TRUB1: variants seen among roughly 807,000 people sequenced by gnomAD.
TRUB1 encodes TruB pseudouridine synthase family member 1, also known as pseudouridylate synthase TRUB1.
A neutral mutation model predicts 33.9 loss-of-function variants in TRUB1; 23 were observed. The ratio of observed to expected loss-of-function variants is 0.68; its 90% CI spans 0.49 to 0.96. TRUB1 has a LOEUF of 0.96. Among genes scored for constraint, TRUB1 ranks in the 40% least tolerant of loss-of-function variants. The pLI is 0.00. For missense variants in TRUB1, 378 were observed against 422.2 expected, an observed-to-expected ratio of 0.90 and a Z score of 0.92; for synonymous variants, 163 against 165.4, an observed-to-expected ratio of 0.99 and a Z score of 0.11.
chr10:114,954,304 T>G (rs1373073967), intron 3 of TRUB1, among the ~76,000 whole-genome samples: 1 of 152,196 alleles, frequency 6.6e-6, no homozygotes, highest in Non-Finnish European at 1.5e-5. Context: ...CCCTAGCCAG[T>G]CGTAATTGGA....
At chr10:114,964,117 A>T (rs2084296303) in intron 4 of TRUB1, among the ~76,000 whole-genome samples, 1 of 152,192 alleles carries the variant, frequency 6.6e-6, no homozygotes. Context: ...TTCCACTAGG[A>T]GTGCATAAGC....
At chr10:114,974,626 A>T (rs1166716536) in intron 7 of TRUB1, among the ~76,000 whole-genome samples, 1 of 152,122 alleles carries the variant, frequency 6.6e-6, no homozygotes, top group Non-Finnish European at 1.5e-5. Context: ...GACAGGAATA[A>T]TGAACGTAGG....
chr10:114,938,584 G>A, intron 1 of TRUB1, 45 bp downstream of exon 1: 1 of 1,491,290 alleles, frequency 6.7e-7, no homozygotes, highest in South Asian at 1.4e-5. Flanking sequence ...GTCGCTGCGA[G>A]AGGGGAAGCA....
At position 114,950,269 on chromosome 10, in the gene TRUB1, A is replaced by T. The variant is rs78914084; in HGVS notation, c.386-825A>T. 7.5e-3 allele frequency among the ~76,000 whole-genome samples: 1,139 copies of T among 152,336 alleles called. 12 individuals are homozygous for T. Among genetic ancestry groups the T allele is most frequent in the African/African-American group, 0.025 (1,026 of 41,574 alleles). ...TTTAGAGTAGAATCTGATACATGGT[A>T]AACTCACTGAATGGTATTTGCTGTA... is the stretch of plus-strand genomic sequence containing the variant. On this transcript the variant is annotated intron_variant, in intron 2 of 7. Coordinates refer to ENST00000298746, the MANE Select transcript of TRUB1 (RefSeq NM_139169.5).
chr10:114,962,551 C>T (rs1385071844), intron 4 of TRUB1, among the ~76,000 whole-genome samples: 1 of 152,222 alleles, frequency 6.6e-6, no homozygotes. Flanking sequence ...TAGCCAACAT[C>T]AGTTGTTCTT....
At chr10:114,951,821 G>A (rs559408229) in intron 3 of TRUB1, among the ~76,000 whole-genome samples, 4 of 152,278 alleles carry the variant, frequency 2.6e-5, no homozygotes, top group Admixed American at 1.3e-4. Context: ...GAAAATGCAC[G>A]TGGAAGGAAG....
intron 2 of TRUB1, among the ~76,000 whole-genome samples, chr10:114,945,050 A>T (rs1480912078): frequency 6.6e-6 from 1 of 152,228 alleles, no homozygotes; most frequent in African/African-American, 2.4e-5. Context: ...TTGGGTATTC[A>T]TAAGTTCTAT....
chr10:114,965,852 A>C (rs2084305673), intron 4 of TRUB1, among the ~76,000 whole-genome samples: 1 of 152,182 alleles, frequency 6.6e-6, no homozygotes. Context: ...TGTTTATAAT[A>C]GTCCCTTATG....
At chr10:114,941,571 A>C (rs2084186974) in intron 1 of TRUB1, among the ~76,000 whole-genome samples, 1 of 152,008 alleles carries the variant, frequency 6.6e-6, no homozygotes, top group Non-Finnish European at 1.5e-5. Context: ...TCAAACTTCC[A>C]GGTTCAAGTG....
At chr10:114,939,208 G>A (rs142049360) in intron 1 of TRUB1, among the ~76,000 whole-genome samples, 2 of 152,232 alleles carry the variant, frequency 1.3e-5, no homozygotes, top group Non-Finnish European at 2.9e-5. Context: ...GTTTATTCAC[G>A]TACACTGGGA....
chr10:114,961,295 A>G (rs149940249), intron 4 of TRUB1, among the ~76,000 whole-genome samples: 227 of 152,182 alleles, frequency 1.5e-3, no homozygotes, highest in African/African-American at 5.3e-3. Flanking sequence ...GAGTTTTCCT[A>G]TTAGAAAAAT....
At chr10:114,939,473 G>C (rs1378734544) in intron 1 of TRUB1, among the ~76,000 whole-genome samples, 2 of 110,542 alleles carry the variant, frequency 1.8e-5, no homozygotes, top group East Asian at 3.9e-4. Context: ...ATTCTGTCTC[G>C]CCATTAAACC....
chr10:114,942,548 G>A, intron 1 of TRUB1, 97 bp from the exon 2 acceptor site: 1 of 755,402 alleles, frequency 1.3e-6, no homozygotes, highest in Admixed American at 2.4e-5. Flanking sequence ...CTTTTTGTTT[G>A]TTTTGAAAAT....
chr10:114,959,575 A>G (rs1005496136), intron 3 of TRUB1, 151 bp from the exon 4 acceptor site: 6 of 646,964 alleles, frequency 9.3e-6, no homozygotes, highest in Non-Finnish European at 8.2e-6. Flanking sequence ...CTTTCCACAT[A>G]TTAAAAACAA....
At position 114,938,235 on chromosome 10, in the gene TRUB1, A is replaced by G. The variant is rs558311749; in HGVS notation, c.-19A>G. 2.5e-6 allele frequency: 4 copies of G among 1,608,238 alleles called. 1 individual carries two copies. Among genetic ancestry groups the G allele is most frequent in the South Asian group, 2.2e-5 (2 of 90,196 alleles). On this transcript the variant is annotated 5_prime_UTR_variant, in exon 1 of 8. Coordinates refer to ENST00000298746, the MANE Select transcript of TRUB1 (RefSeq NM_139169.5). ...TCAGCGTGCACCTCCACGATGAAAC[A>G]GGTCTGGGCTACAAAAGTATGGCCG...
chr10:114,971,247 G>A (rs1312742106), intron 5 of TRUB1, among the ~76,000 whole-genome samples: 1 of 152,132 alleles, frequency 6.6e-6, no homozygotes, highest in African/African-American at 2.4e-5. Flanking sequence ...ACACCTTGGG[G>A]GTTAGGATTT....
At position 114,938,362 on chromosome 10, in the gene TRUB1, G is replaced by T. The variant is rs1365780626; in HGVS notation, c.109G>T (p.Ala37Ser). 2 of 1,610,888 alleles carry T rather than the reference G, an allele frequency of 1.2e-6. No homozygotes were observed. The highest frequency in any genetic ancestry group is 2.7e-5 in the African/African-American group (2 of 74,730). ...CGCAGCAATGGCTGCGACCCCGTCA[G>T]CAAGGGCTGCAGCCGCGGTGGTTGC... ...TVAAMAATPS[A>S]RAAAAVVAAA... is the part of the protein sequence containing the mutation. The change falls in exon 1 of 8, where the codon GCA (alanine) becomes TCA (serine). Residue 37 changes from alanine to serine, a missense_variant. Ala to Ser is a moderately conservative substitution (Grantham distance 99, BLOSUM62 1). Coordinates refer to ENST00000298746, the MANE Select transcript of TRUB1 (RefSeq NM_139169.5).
chr10:114,938,317 C>T lies in TRUB1; in HGVS notation c.64C>T (p.Leu22Phe). ...PSLKTDTSPV[L>F]ETAGTVAAMA... The stretch of plus-strand genomic sequence containing the variant: ...TTTGAAAACAGACACATCCCCTGTC[C>T]TTGAAACTGCAGGAACGGTCGCAGC... Residue 22 changes from leucine to phenylalanine, a missense_variant, in exon 1 of 8, where the codon CTT becomes TTT. Leu to Phe is a conservative substitution (Grantham distance 22, BLOSUM62 0). Transcript: ENST00000298746. 6.2e-7 allele frequency: 1 copy of T among 1,614,120 alleles called. No individual in the cohort carries two copies. Among genetic ancestry groups the T allele is most frequent in the Non-Finnish European group, 8.5e-7 (1 of 1,180,022 alleles).
At chr10:114,971,481 C>T (rs112550850) in intron 5 of TRUB1, among the ~76,000 whole-genome samples, 10 of 151,724 alleles carry the variant, frequency 6.6e-5, no homozygotes, top group South Asian at 6.2e-4. Context: ...TCTGAGGAGA[C>T]GCTTTTTAAT....
Sources: allele counts gnomAD v4.1 joint callset (sites outside exome capture counted in the v4.1 genomes callset), GRCh38; gene constraint gnomAD v4.1.1; transcripts MANE v1.5; gene names NCBI Gene and HGNC (gene_info 2026-07-23, HGNC 2026-07-21).